TBCK: variants seen among roughly 807,000 people sequenced by gnomAD.
TBCK encodes the protein TBC1 domain containing kinase.
In TBCK, 99 loss-of-function variants were observed where a neutral mutation model predicts 113.4. The observed-to-expected ratio is 0.87, with a 90% CI of 0.74 to 1.03. TBCK has a LOEUF of 1.03. TBCK is among the 50% of genes least tolerant of loss of function. The pLI is 0.00. For missense variants in TBCK, 1,045 were observed against 1,061.3 expected, an observed-to-expected ratio of 0.98 and a Z score of 0.21; for synonymous variants, 369 against 370.8, an observed-to-expected ratio of 1.00 and a Z score of 0.05.
chr4:106,237,706 C>G (rs1025044289), intron 12 of TBCK, among the ~76,000 whole-genome samples: 1 of 152,098 alleles, frequency 6.6e-6, no homozygotes, highest in African/African-American at 2.4e-5. Flanking sequence ...ATGCCTGGTT[C>G]TACTCTAAAA....
chr4:106,272,879 G>A (rs7673949), intron 3 of TBCK, among the ~76,000 whole-genome samples: 24,270 of 152,122 alleles, frequency 0.16, 1,970 homozygotes, highest in South Asian at 0.25. Context: ...AATCGCGTGG[G>A]TAAGTACAGG....
At chr4:106,236,860 C>A in intron 12 of TBCK, 52 bp from the exon 13 acceptor site, 3 of 1,051,784 alleles carry the variant, frequency 2.9e-6, no homozygotes, top group Admixed American at 2.8e-5. Context: ...GGCAGAAACC[C>A]TGATCTGTGT....
rs866420493 is a variant in TBCK at position 106,196,504 on chromosome 4, A to G, written c.1861-1750T>C. Among the ~76,000 whole-genome samples, 194 of 152,032 alleles carry G rather than the reference A, an allele frequency of 1.3e-3. 1 individual carries two copies. Among genetic ancestry groups the G allele is most frequent in the African/African-American group, 4.3e-3 (177 of 41,432 alleles). Reference sequence around the variant, plus strand: ...GCATATTGTCTTTGCATTTCACTCAATTGAGTATTTATACTATCAAGATGA... The same window carrying G: ...GCATATTGTCTTTGCATTTCACTCAGTTGAGTATTTATACTATCAAGATGA... On this transcript the variant is annotated intron_variant, in intron 20 of 25. Transcript: ENST00000394708.
At chr4:106,130,084 C>T (rs1209205461) in intron 23 of TBCK, among the ~76,000 whole-genome samples, 1 of 152,164 alleles carries the variant, frequency 6.6e-6, no homozygotes, top group African/African-American at 2.4e-5. Flanking sequence ...TCCATTACTG[C>T]TTTCATTTCC....
intron 23 of TBCK, among the ~76,000 whole-genome samples, chr4:106,131,544 C>T (rs1357011739): frequency 6.6e-6 from 1 of 152,120 alleles, no homozygotes; most frequent in Non-Finnish European, 1.5e-5. Context: ...ATCCAGGAGG[C>T]GGAGGTTGCA....
At chr4:106,276,688 T>G (rs916014266) in intron 3 of TBCK, among the ~76,000 whole-genome samples, 1 of 151,826 alleles carries the variant, frequency 6.6e-6, no homozygotes, top group Non-Finnish European at 1.5e-5. Flanking sequence ...AGGTCAAGAG[T>G]TCGAGACCAA....
At chr4:106,218,857 A>T (rs1156316952) in intron 19 of TBCK, among the ~76,000 whole-genome samples, 1 of 143,270 alleles carries the variant, frequency 7.0e-6, no homozygotes, top group Non-Finnish European at 1.5e-5. Flanking sequence ...TGACCCAGCC[A>T]TCCCATTACT....
rs185038663 is a variant in TBCK, at chr4:106,047,708, G to C, written c.2572-1028C>G. 9.6e-4 allele frequency among the ~76,000 whole-genome samples: 146 copies of C among 152,234 alleles called. 1 individual carries two copies. The highest frequency in any genetic ancestry group is 3.5e-3 in the African/African-American group (144 of 41,548). On this transcript the variant is annotated intron_variant, in intron 25 of 25. Coordinates refer to ENST00000394708, the MANE Select transcript of TBCK (RefSeq NM_001163435.3). ...TTTGTTTTCTTCTTGGTAGCTGGCA[G>C]ATGGTAGGGGCTCAATATATGTTTG...
intron 23 of TBCK, among the ~76,000 whole-genome samples, chr4:106,147,583 T>C (rs961592295): frequency 6.6e-6 from 1 of 152,170 alleles, no homozygotes; most frequent in African/African-American, 2.4e-5. Context: ...ATTGTGAAGA[T>C]TTCATGGACA....
intron 18 of TBCK, 142 bp downstream of exon 18, chr4:106,231,587 A>G (rs866479346): frequency 1.3e-5 from 8 of 622,530 alleles, no homozygotes; most frequent in Non-Finnish European, 1.6e-5. Context: ...CATCTCTAAA[A>G]TGAGTCTATA....
intron 2 of TBCK, among the ~76,000 whole-genome samples, chr4:106,306,597 T>C (rs1767554854): frequency 6.7e-6 from 1 of 148,180 alleles, no homozygotes; most frequent in Non-Finnish European, 1.5e-5. Flanking sequence ...AGGAGGGCCA[T>C]AGTATCAGTC....
intron 23 of TBCK, among the ~76,000 whole-genome samples, chr4:106,156,310 C>A (rs1272866041): frequency 6.6e-6 from 1 of 152,172 alleles, no homozygotes; most frequent in African/African-American, 2.4e-5. Context: ...TGGTACCACA[C>A]TGAATCAGAC....
chr4:106,180,560 T>C (rs1483494718), intron 22 of TBCK, among the ~76,000 whole-genome samples: 1 of 151,810 alleles, frequency 6.6e-6, no homozygotes, highest in African/African-American at 2.4e-5. Context: ...CAGGCCCCAA[T>C]GTGTGATGTT....
intron 3 of TBCK, among the ~76,000 whole-genome samples, chr4:106,275,714 G>C (rs562227444): frequency 6.6e-6 from 1 of 152,010 alleles, no homozygotes; most frequent in Non-Finnish European, 1.5e-5. Flanking sequence ...TTTTTAAAAA[G>C]TAAAGCAAGA....
intron 22 of TBCK, among the ~76,000 whole-genome samples, chr4:106,189,047 A>C (rs1028104321): frequency 1.3e-5 from 2 of 152,198 alleles, no homozygotes; most frequent in Admixed American, 6.5e-5. Context: ...AATTTTTCAT[A>C]AAGTTTTATT....
intron 19 of TBCK, among the ~76,000 whole-genome samples, chr4:106,221,669 C>CAA (rs200025989): frequency 1.9e-4 from 27 of 138,844 alleles, no homozygotes; most frequent in African/African-American, 7.1e-4. Flanking sequence ...AGAGTAGTTA[C>CAA]AAAAAAAAAA....
chr4:106,137,162 T>C (rs1746653352), intron 23 of TBCK, among the ~76,000 whole-genome samples: 1 of 140,348 alleles, frequency 7.1e-6, no homozygotes, highest in Non-Finnish European at 1.6e-5. Flanking sequence ...TAGAATATCA[T>C]ATTCTTGGAA....
At chr4:106,095,724 C>A (rs763441485) in intron 24 of TBCK, 83 bp from the exon 25 acceptor site, 5 of 1,252,064 alleles carry the variant, frequency 4.0e-6, no homozygotes, top group Admixed American at 4.1e-5. Flanking sequence ...AAGTGACTCC[C>A]AGAAGATAGT....
intron 23 of TBCK, among the ~76,000 whole-genome samples, chr4:106,168,837 C>A (rs887814666): frequency 6.6e-6 from 1 of 151,736 alleles, no homozygotes; most frequent in Admixed American, 6.6e-5. Flanking sequence ...AATCCAACAA[C>A]TAGATAAATG....
Sources: allele counts gnomAD v4.1 joint callset (sites outside exome capture counted in the v4.1 genomes callset), GRCh38; gene constraint gnomAD v4.1.1; transcripts MANE v1.5; gene names NCBI Gene and HGNC (gene_info 2026-07-23, HGNC 2026-07-21).